Variants in C9 observed in about 807,000 individuals in gnomAD.
C9 encodes the protein complement component C9.
A neutral mutation model predicts 65.4 loss-of-function variants in C9; 63 were observed. The observed-to-expected ratio is 0.96, with a 90% CI of 0.79 to 1.19. The LOEUF (loss-of-function observed/expected upper bound fraction) is 1.19. Among genes scored for constraint, C9 ranks in the 50% most tolerant of loss-of-function variants. C9 has a pLI of 0.00. For synonymous variants in C9, 229 were observed against 227.9 expected (o/e 1.00, Z -0.04); for missense variants, 744 against 670.1 (o/e 1.11, Z -1.22).
chr5:39,346,014 C>A (rs1038344333), intron 1 of C9, among the ~76,000 whole-genome samples: 4 of 152,138 alleles, frequency 2.6e-5, no homozygotes, highest in African/African-American at 7.2e-5. Context: ...GGGACACATT[C>A]AAAGGAGTGT....
chr5:39,313,886 T>G (rs139689976), intron 6 of C9, among the ~76,000 whole-genome samples: 18 of 152,230 alleles, frequency 1.2e-4, no homozygotes, highest in African/African-American at 4.3e-4. Context: ...TAACTAAAAT[T>G]TAATTACTGG....
intron 10 of C9, among the ~76,000 whole-genome samples, chr5:39,285,700 CT>C (rs35852227): frequency 1.8e-3 from 259 of 143,800 alleles, no homozygotes; most frequent in Middle Eastern, 0.011. Flanking sequence ...TGTTTTGTTT[CT>C]TTTTTTTTTT....
intron 9 of C9, among the ~76,000 whole-genome samples, chr5:39,305,645 T>G (rs373696949): frequency 6.6e-6 from 1 of 152,052 alleles, no homozygotes; most frequent in African/African-American, 2.4e-5. Context: ...TTAGGCAGCT[T>G]GGGGAAAGAA....
chr5:39,301,968 T>A (rs1468651883), intron 9 of C9, among the ~76,000 whole-genome samples: 1 of 150,682 alleles, frequency 6.6e-6, no homozygotes, highest in Non-Finnish European at 1.5e-5. Context: ...ATTATTTTGA[T>A]TTTTTTTTAA....
In C9 at chr5:39,341,172, A is replaced by G. The variant is rs1435343841; in HGVS notation, c.450T>C (p.Ser150=). 6.2e-7 allele frequency: 1 copy of G among 1,614,052 alleles called. No individual in the cohort carries two copies. Among genetic ancestry groups the G allele is most frequent in the South Asian group, 1.1e-5 (1 of 91,090 alleles). The change falls in exon 4 of 11, where the codon TCT becomes TCC. Residue 150 remains serine (S), a synonymous_variant. Transcript: ENST00000263408. ...CATAGCCTGCTGTTCGTGCCAGCTCAGACTCTTCTACCACTCTGTCTCTGC... is the reference window on the plus strand; with the variant it reads ...CATAGCCTGCTGTTCGTGCCAGCTCGGACTCTTCTACCACTCTGTCTCTGC... The part of the protein sequence containing the change: ...PPCRDRVVEE[S]ELARTAGYGI...
intron 1 of C9, among the ~76,000 whole-genome samples, chr5:39,347,055 A>C (rs1239563566): frequency 6.6e-6 from 1 of 152,324 alleles, no homozygotes; most frequent in East Asian, 1.9e-4. Flanking sequence ...ACAAACCCAC[A>C]GCCAATATCA....
chr5:39,289,885 A>T (rs1305534653), intron 9 of C9, among the ~76,000 whole-genome samples: 1 of 151,938 alleles, frequency 6.6e-6, no homozygotes, highest in African/African-American at 2.4e-5. Context: ...CCCATCCAAC[A>T]AGTAAATGAA....
intron 1 of C9, among the ~76,000 whole-genome samples, chr5:39,353,385 T>A (rs1329159476): frequency 6.6e-6 from 1 of 152,194 alleles, no homozygotes; most frequent in East Asian, 1.9e-4. Context: ...ACATGGCCTA[T>A]CCCTTTCCTA....
chr5:39,289,279 C>T (rs1003999574), intron 9 of C9, among the ~76,000 whole-genome samples: 2 of 151,630 alleles, frequency 1.3e-5, no homozygotes, highest in Non-Finnish European at 2.9e-5. Flanking sequence ...AAACTTCTGG[C>T]TTGATAATTT....
chr5:39,311,117 A>C lies in C9; in HGVS notation c.1111+20T>G. 2.5e-6 allele frequency: 4 copies of C among 1,612,312 alleles called. No homozygotes were observed. Among genetic ancestry groups the C allele is most frequent in the Non-Finnish European group, 3.4e-6 (4 of 1,178,494 alleles). On this transcript the variant is annotated intron_variant, in intron 7 of 10. Transcript: ENST00000263408. ...TGGTCAAAACAGTATTTGAAGTCAG[A>C]GCTCTATTTCTAGGCATACCTTTCC...
Position 39,345,420 on chromosome 5 carries a change from CAAA to C in C9, c.78-3227_78-3225del, listed in dbSNP as rs1273415021. On this transcript the variant is annotated intron_variant, in intron 1 of 10. Transcript: ENST00000263408. Reference sequence around the variant, plus strand: ...TTAAACCAAAAAAGATCAAAAGAGACAAAGAAGGCCATTACATAACGGTAAAGG... The same window carrying C: ...TTAAACCAAAAAAGATCAAAAGAGACGAAGGCCATTACATAACGGTAAAGG... Among the ~76,000 whole-genome samples, 3 of 152,092 alleles carry C rather than the reference CAAA, an allele frequency of 2.0e-5. No individual in the cohort carries two copies. The East Asian group carries it at 5.8e-4, about 29-fold the overall frequency.
chr5:39,345,641 A>G (rs1266294494), intron 1 of C9, among the ~76,000 whole-genome samples: 1 of 152,240 alleles, frequency 6.6e-6, no homozygotes. Flanking sequence ...AAGGATATCC[A>G]GGAATTTAAC....
At chr5:39,312,126 T>C (rs1753494801) in intron 6 of C9, among the ~76,000 whole-genome samples, 1 of 152,174 alleles carries the variant, frequency 6.6e-6, no homozygotes, top group South Asian at 2.1e-4. Context: ...GTTCTTTAAC[T>C]CAATGTATTT....
intron 4 of C9, among the ~76,000 whole-genome samples, chr5:39,336,607 G>A (rs1753970707): frequency 6.6e-6 from 1 of 151,926 alleles, no homozygotes; most frequent in Non-Finnish European, 1.5e-5. Context: ...TAATATGTTG[G>A]TTCCCACATC....
In C9 at chr5:39,288,905, T is replaced by C. The variant is rs762014939; in HGVS notation, c.1463A>G (p.His488Arg). ...TCTTTCCAAGTTTTGTTTCTTTAGG[T>C]GTGCATTTTTCATTTTCACTGGAAC... Reference protein sequence around the residue: ...NLVPVKMKNAHLKKQNLERAI... With the variant: ...NLVPVKMKNARLKKQNLERAI... Residue 488 changes from histidine (H) to arginine (R), a missense_variant, in exon 10 of 11, where the codon CAC (histidine) becomes CGC (arginine). His to Arg is a conservative substitution (Grantham distance 29). Coordinates refer to ENST00000263408, the MANE Select transcript of C9 (RefSeq NM_001737.5). 8 of 1,611,286 alleles carry C rather than the reference T, an allele frequency of 5.0e-6. No homozygotes were observed. The highest frequency in any genetic ancestry group is 2.7e-5 in the African/African-American group (2 of 74,754).
At chr5:39,332,771 A>G (rs899212395) in intron 4 of C9, among the ~76,000 whole-genome samples, 6 of 152,272 alleles carry the variant, frequency 3.9e-5, no homozygotes, top group African/African-American at 1.4e-4. Flanking sequence ...GTTGGTTTTA[A>G]GACCAATTTG....
intron 5 of C9, among the ~76,000 whole-genome samples, chr5:39,320,060 C>T (rs898630081): frequency 6.6e-6 from 1 of 152,320 alleles, no homozygotes; most frequent in East Asian, 1.9e-4. Context: ...GGAATAAGTG[C>T]TTACTTCTTC....
At chr5:39,306,543 G>T in intron 9 of C9, 74 bp downstream of exon 9, 1 of 1,173,708 alleles carries the variant, frequency 8.5e-7, no homozygotes, top group Non-Finnish European at 1.3e-6. Flanking sequence ...GAAGCTAACA[G>T]TTCACCTGAA....
Position 39,341,060 on chromosome 5 carries a change from A to G in C9, c.476+86T>C. On this transcript the variant is annotated intron_variant, in intron 4 of 10. Coordinates refer to ENST00000263408, the MANE Select transcript of C9 (RefSeq NM_001737.5). ...CTGTATCACCTATGTCCCTCGCACA[A>G]ATGCTTCTACCAGTCTATCACAATG... 4 of 1,457,242 alleles carry G rather than the reference A, an allele frequency of 2.7e-6. No homozygotes were observed. The South Asian group carries it at 4.6e-5, about 17-fold the overall frequency. 90.3% of individuals were successfully genotyped at this position (1,457,242 alleles called of 1,614,324 possible).
Sources: gnomAD v4.1 joint callset for allele counts (sites outside exome capture counted in the v4.1 genomes callset) on GRCh38, gnomAD v4.1.1 for gene constraint, MANE v1.5 for transcripts, NCBI Gene and HGNC (gene_info 2026-07-23, HGNC 2026-07-21) for gene names.